Variants in ZBTB7B observed in about 807,000 individuals in gnomAD.
ZBTB7B encodes the protein zinc finger and BTB domain-containing protein 7B.
In ZBTB7B, 8 loss-of-function variants were observed where a neutral mutation model predicts 31.0. The observed-to-expected ratio is 0.26, with a 90% CI of 0.15 to 0.47. ZBTB7B has a LOEUF of 0.47. Among genes scored for constraint, ZBTB7B ranks in the 20% least tolerant of loss-of-function variants. The probability of loss-of-function intolerance (pLI) is 0.99; values close to 1 mark genes in which losing one functional copy is unlikely to be tolerated. For synonymous variants in ZBTB7B, 261 were observed against 307.3 expected, an observed-to-expected ratio of 0.85 and a Z score of 1.58; for missense variants, 494 against 742.4, an observed-to-expected ratio of 0.67 and a Z score of 3.89.
At position 155,006,415 on chromosome 1, in the gene ZBTB7B, A is replaced by G. The variant is rs147944584; in HGVS notation, c.-7+3472A>G. 7.9e-5 allele frequency among the ~76,000 whole-genome samples: 12 copies of G among 152,086 alleles called. No homozygotes were observed. The East Asian group carries it at 2.3e-3, about 29-fold the overall frequency. ...ATCAGGCCTAGCCCTGATCTCCCCAAACCCCTTCCTTTGCCTGCTATCTTC... is the reference window on the plus strand; with the variant it reads ...ATCAGGCCTAGCCCTGATCTCCCCAGACCCCTTCCTTTGCCTGCTATCTTC... On this transcript the variant is annotated intron_variant, in intron 1 of 2. Transcript: ENST00000535420.
rs763897194 is a variant in ZBTB7B at position 155,018,509 on chromosome 1, A to G, written c.*1824A>G. On this transcript the variant is annotated 3_prime_UTR_variant, in exon 3 of 3. Coordinates refer to ENST00000535420, the MANE Select transcript of ZBTB7B (RefSeq NM_001256455.2). The stretch of plus-strand genomic sequence containing the variant: ...GTGTAAGCGACAGGAAGAAATAATA[A>G]TAATTTAAGATTCACACTTGTGTCC... 17 of 1,592,652 alleles carry G rather than the reference A, an allele frequency of 1.1e-5. No individual in the cohort carries two copies. Among genetic ancestry groups the G allele is most frequent in the Non-Finnish European group, 1.4e-5 (16 of 1,163,416 alleles).
At chr1:155,002,330 A>G (rs1196991233), upstream of ZBTB7B, among the ~76,000 whole-genome samples, 5 of 145,274 alleles carry the variant, frequency 3.4e-5, no homozygotes, top group African/African-American at 1.0e-4. Context: ...GGGGCAGGAG[A>G]AAGGGGGGGG....
In ZBTB7B at chr1:155,017,828, G is replaced by C. The variant is rs538614111; in HGVS notation, c.*1143G>C. 1 of 152,496 alleles carries C rather than the reference G, an allele frequency of 6.6e-6. No individual in the cohort carries two copies. The highest frequency in any genetic ancestry group is 6.5e-5 in the Admixed American group (1 of 15,308). The allele number at this position is 152,496 out of a possible 1,614,324, so 9.4% of individuals were successfully genotyped here. ...AGGGGAAGGGGCTGCGGACCTGTGG[G>C]AAAGTGATCCCCTTCCCAGATCCTT... On this transcript the variant is annotated 3_prime_UTR_variant, in exon 3 of 3. Transcript: ENST00000535420.
chr1:155,011,722 TG>T (rs1311685095), intron 1 of ZBTB7B, among the ~76,000 whole-genome samples: 1 of 152,100 alleles, frequency 6.6e-6, no homozygotes, highest in East Asian at 1.9e-4. Context: ...CCAGATTGGG[TG>T]GGGATGGGCC....
Position 155,014,871 on chromosome 1 carries a change from G to T in ZBTB7B, c.211G>T (p.Val71Phe), listed in dbSNP as rs1261888382. The change falls in exon 2 of 3, where the codon GTC becomes TTC. Residue 71 changes from valine (V) to phenylalanine (F), a missense_variant. By Grantham distance (50) the Val-to-Phe change is conservative. Coordinates refer to ENST00000535420, the MANE Select transcript of ZBTB7B (RefSeq NM_001256455.2). ...TTTCACTGAGGGCGGTGGCGGAGCTGTCATGGGGGCCGGGGGTAGCGGGAC... is the reference window on the plus strand; with the variant it reads ...TTTCACTGAGGGCGGTGGCGGAGCTTTCATGGGGGCCGGGGGTAGCGGGAC... ...KLFTEGGGGA[V>F]MGAGGSGTAT... The T allele has an allele frequency of 1.9e-6, 3 of 1,614,172 alleles. No homozygotes were observed. The highest frequency in any genetic ancestry group is 2.5e-6 in the Non-Finnish European group (3 of 1,180,026).
chr1:155,003,983 G>C lies in ZBTB7B; in HGVS notation c.-7+1040G>C. 6.6e-6 allele frequency among the ~76,000 whole-genome samples: 1 copy of C among 152,166 alleles called. No homozygotes were observed. ...CCGGCCCTGCTGGTGTTTAGAGAGA[G>C]GGCGGGTCCCCTGCCCCCCGCCCCG... On this transcript the variant is annotated intron_variant, in intron 1 of 2. Coordinates refer to ENST00000535420, the MANE Select transcript of ZBTB7B (RefSeq NM_001256455.2). The surrounding 1 kb of genome is among the most constrained non-coding windows in gnomAD (Gnocchi z 5.8).
chr1:155,011,006 G>C, intron 1 of ZBTB7B: 10 of 1,535,348 alleles, frequency 6.5e-6, no homozygotes, highest in Non-Finnish European at 8.7e-6. Context: ...CTCCCTGGCA[G>C]AGCCTAGAGG....
At chr1:155,005,027 G>C (rs1289894847) in intron 1 of ZBTB7B, among the ~76,000 whole-genome samples, 5 of 152,120 alleles carry the variant, frequency 3.3e-5, no homozygotes, top group Non-Finnish European at 5.9e-5. Flanking sequence ...CTGGAAGACA[G>C]GTGCTGTCCC....
upstream of ZBTB7B, among the ~76,000 whole-genome samples, chr1:155,002,044 A>G (rs1210916237): frequency 6.6e-6 from 1 of 151,770 alleles, no homozygotes; most frequent in Non-Finnish European, 1.5e-5. Flanking sequence ...ACCCTACAGA[A>G]GCCCCTCTTG....
At chr1:155,009,941 G>A (rs1658837719) in intron 1 of ZBTB7B, among the ~76,000 whole-genome samples, 1 of 152,050 alleles carries the variant, frequency 6.6e-6, no homozygotes, top group South Asian at 2.1e-4. Context: ...ACACTGATGG[G>A]GTGGAGAGGA....
At chr1:155,009,563 T>C (rs1331957359) in intron 1 of ZBTB7B, among the ~76,000 whole-genome samples, 1 of 152,086 alleles carries the variant, frequency 6.6e-6, no homozygotes, top group Non-Finnish European at 1.5e-5. Context: ...GCTCCAGGGC[T>C]GGAAACTCTG....
At chr1:155,009,378 C>T (rs1307509120) in intron 1 of ZBTB7B, among the ~76,000 whole-genome samples, 1 of 150,148 alleles carries the variant, frequency 6.7e-6, no homozygotes, top group African/African-American at 2.5e-5. Context: ...AGACACTAGG[C>T]TGGGGGGGAG....
rs955275268 is a variant in ZBTB7B, at chr1:155,004,836, T to C, written c.-7+1893T>C. 6.6e-6 allele frequency among the ~76,000 whole-genome samples: 1 copy of C among 151,684 alleles called. No homozygotes were observed. The highest frequency in any genetic ancestry group is 6.6e-5 in the Admixed American group (1 of 15,260). ...GCTGGCACCCCCAGACACTGTCCCC[T>C]CCCTTGGGTACCACACACCCCCAGC... On this transcript the variant is annotated intron_variant, in intron 1 of 2. Coordinates refer to ENST00000535420, the MANE Select transcript of ZBTB7B (RefSeq NM_001256455.2). The surrounding 1 kb of genome is among the most constrained non-coding windows in gnomAD (Gnocchi z 4.0).
At chr1:155,007,465 G>A (rs911271195) in intron 1 of ZBTB7B, among the ~76,000 whole-genome samples, 2 of 152,216 alleles carry the variant, frequency 1.3e-5, no homozygotes, top group Non-Finnish European at 2.9e-5. Flanking sequence ...AATGCCGGGA[G>A]GTTGGCACCT....
At chr1:155,006,540 C>G (rs776126215) in intron 1 of ZBTB7B, among the ~76,000 whole-genome samples, 2 of 152,190 alleles carry the variant, frequency 1.3e-5, no homozygotes, top group South Asian at 2.1e-4. Context: ...TGATGGCAGG[C>G]AAATGAAACA....
Position 155,018,221 on chromosome 1 carries a change from G to T in ZBTB7B, c.*1536G>T. ...GGAGGGGTCACAGGGAGGGGGTAGC[G>T]GGACCAGTCCCTGTTATCTATTTAA... On this transcript the variant is annotated 3_prime_UTR_variant, in exon 3 of 3. Coordinates refer to ENST00000535420, the MANE Select transcript of ZBTB7B (RefSeq NM_001256455.2). The T allele has an allele frequency of 3.4e-6, 1 of 293,454 alleles. No homozygotes were observed. Among genetic ancestry groups the T allele is most frequent in the Non-Finnish European group, 6.6e-6 (1 of 152,576 alleles). The allele number at this position is 293,454 out of a possible 1,614,324, so 18.2% of individuals were successfully genotyped here.
chr1:155,016,827 C>T lies in ZBTB7B; in HGVS notation c.*142C>T. 1.7e-6 allele frequency: 1 copy of T among 601,522 alleles called. No homozygotes were observed. Among genetic ancestry groups the T allele is most frequent in the East Asian group, 2.8e-5 (1 of 36,248 alleles). 37.3% of individuals were successfully genotyped at this position (601,522 alleles called of 1,614,324 possible). A position where few individuals can be genotyped will look rare whatever the true frequency, so the allele number is the denominator to read the frequency against. The stretch of plus-strand genomic sequence containing the variant: ...CATCAGCCCTTCCTCCCAGAGCCCT[C>T]ATTCCAATTCCAAGCTAAGAAGGTA... On this transcript the variant is annotated 3_prime_UTR_variant, in exon 3 of 3. Transcript: ENST00000535420. This position sits in a 1 kb window ranked among gnomAD's most constrained non-coding sequence, Gnocchi z 4.3.
Position 155,004,297 on chromosome 1 carries a change from G to T in ZBTB7B, c.-7+1354G>T, listed in dbSNP as rs1213821926. The stretch of plus-strand genomic sequence containing the variant: ...GACCCCTAGCTGCAGCCGAGAATGG[G>T]AATGAGTCAGCGCAGCTATTCCCCC... On this transcript the variant is annotated intron_variant, in intron 1 of 2. Coordinates refer to ENST00000535420, the MANE Select transcript of ZBTB7B (RefSeq NM_001256455.2). This position sits in a 1 kb window ranked among gnomAD's most constrained non-coding sequence, Gnocchi z 4.0. Among the ~76,000 whole-genome samples, 1 of 152,196 alleles carries T rather than the reference G, an allele frequency of 6.6e-6. No individual in the cohort carries two copies. Among genetic ancestry groups the T allele is most frequent in the Non-Finnish European group, 1.5e-5 (1 of 68,032 alleles).
In ZBTB7B at chr1:155,014,646, ACT is replaced by A. The variant is rs745636707; in HGVS notation, c.-6-6_-6-5del. On this transcript the variant is annotated splice_region_variant and splice_polypyrimidine_tract_variant and intron_variant, in intron 1 of 2. Transcript: ENST00000535420. ...GCGCTCTTAATCTCCCCTCTACTTG[ACT>A]CTGCAGGAGAAGATGGGGAGCCCCG... The A allele has an allele frequency of 1.2e-6, 2 of 1,605,892 alleles. No individual in the cohort carries two copies. Among genetic ancestry groups the A allele is most frequent in the Admixed American group, 1.7e-5 (1 of 59,464 alleles).
Sources: allele counts gnomAD v4.1 joint callset (sites outside exome capture counted in the v4.1 genomes callset), GRCh38; gene constraint gnomAD v4.1.1; non-coding constraint Gnocchi (gnomAD v3.1); transcripts MANE v1.5; gene names NCBI Gene and HGNC (gene_info 2026-07-23, HGNC 2026-07-21).